The following MAFK variants were observed in gnomAD, a reference collection of about 807,000 sequenced individuals.
MAFK encodes the protein transcription factor MafK.
In MAFK, 1 loss-of-function variant was observed where a neutral mutation model predicts 9.2. The observed-to-expected ratio is 0.11, with a 90% CI of 0.04 to 0.52. The LOEUF is 0.52. Among genes scored for constraint, MAFK ranks in the 20% least tolerant of loss-of-function variants. The pLI is 0.94. For synonymous variants in MAFK, 110 were observed against 107.4 expected (o/e 1.02, Z -0.15); for missense variants, 207 against 236.0 (o/e 0.88, Z 0.81).
chr7:1,535,167 C>T (rs959282914), intron 1 of MAFK, among the ~76,000 whole-genome samples: 9 of 147,630 alleles, frequency 6.1e-5, no homozygotes, highest in Non-Finnish European at 1.2e-4. Context: ...AGCATTCGGC[C>T]TCCGGAGGCG....
At position 1,534,631 on chromosome 7, in the gene MAFK, A is replaced by G; in HGVS notation, c.-45+3733A>G. The G allele has an allele frequency of 2.2e-6, 1 of 456,000 alleles. No homozygotes were observed. Among genetic ancestry groups the G allele is most frequent in the Non-Finnish European group, 4.4e-6 (1 of 226,752 alleles). 28.2% of individuals were successfully genotyped at this position (456,000 alleles called of 1,614,324 possible). A position where few individuals can be genotyped will look rare whatever the true frequency, so the allele number is the denominator to read the frequency against. On this transcript the variant is annotated intron_variant, in intron 1 of 2. Transcript: ENST00000343242. This position sits in a 1 kb window ranked among gnomAD's most constrained non-coding sequence, Gnocchi z 4.3. ...GGAGACCCGCGGAGAATAGAAGTGGAAGGGCCACTCCGTCTTGGTCAGACT... is the reference window on the plus strand; with the variant it reads ...GGAGACCCGCGGAGAATAGAAGTGGGAGGGCCACTCCGTCTTGGTCAGACT...
Position 1,543,017 on chromosome 7 carries a change from T to G in MAFK, c.*2642T>G, listed in dbSNP as rs1784237634. 2 of 152,670 alleles carry G rather than the reference T, an allele frequency of 1.3e-5. No homozygotes were observed. Among genetic ancestry groups the G allele is most frequent in the Non-Finnish European group, 2.9e-5 (2 of 68,056 alleles). The allele number at this position is 152,670 out of a possible 1,614,324, so 9.5% of individuals were successfully genotyped here. A position where few individuals can be genotyped will look rare whatever the true frequency, so the allele number is the denominator to read the frequency against. On this transcript the variant is annotated 3_prime_UTR_variant, in exon 3 of 3. Coordinates refer to ENST00000343242, the MANE Select transcript of MAFK (RefSeq NM_002360.4). Reference sequence around the variant, plus strand: ...GCTGCTGTGACTGCTTTTGTACCTTTGCAATAAAGAATTTTCTGGTTTCAG... The same window carrying G: ...GCTGCTGTGACTGCTTTTGTACCTTGGCAATAAAGAATTTTCTGGTTTCAG...
In MAFK at chr7:1,539,142, T is replaced by G; in HGVS notation, c.-44-7T>G. ...TGCTGGCTTCTCTGCTTGTCCATGT[T>G]TTCCAGCTACGAGTTCCAGGGAGCT... is the stretch of plus-strand genomic sequence containing the variant. On this transcript the variant is annotated splice_region_variant and splice_polypyrimidine_tract_variant and intron_variant, in intron 1 of 2. Coordinates refer to ENST00000343242, the MANE Select transcript of MAFK (RefSeq NM_002360.4). 6.2e-7 allele frequency: 1 copy of G among 1,612,252 alleles called. No homozygotes were observed. The highest frequency in any genetic ancestry group is 8.5e-7 in the Non-Finnish European group (1 of 1,178,916).
At chr7:1,533,805 C>T (rs1180212973) in intron 1 of MAFK, among the ~76,000 whole-genome samples, 1 of 152,102 alleles carries the variant, frequency 6.6e-6, no homozygotes, top group African/African-American at 2.4e-5. Context: ...TGGGGGGCAT[C>T]TGGGCCCCCC....
At chr7:1,537,146 T>G (rs1352607678) in intron 1 of MAFK, among the ~76,000 whole-genome samples, 1 of 152,164 alleles carries the variant, frequency 6.6e-6, no homozygotes, top group African/African-American at 2.4e-5. Flanking sequence ...ATCTTTTTAG[T>G]GGAAAGATCC....
rs1255717614 is a variant in MAFK, at chr7:1,534,486, G to A, written c.-45+3588G>A. 4.5e-6 allele frequency: 2 copies of A among 440,208 alleles called. No individual in the cohort carries two copies. Among genetic ancestry groups the A allele is most frequent in the Admixed American group, 2.4e-5 (1 of 42,116 alleles). The allele number at this position is 440,208 out of a possible 1,614,324, so 27.3% of individuals were successfully genotyped here. On this transcript the variant is annotated intron_variant, in intron 1 of 2. Coordinates refer to ENST00000343242, the MANE Select transcript of MAFK (RefSeq NM_002360.4). The surrounding 1 kb of genome is among the most constrained non-coding windows in gnomAD (Gnocchi z 4.3). Reference sequence around the variant, plus strand: ...CCGTGGGAGTCACTGGTCGGGGGGCGGGAGGGCGCTTGCTGCTGTGCTGCT... The same window carrying A: ...CCGTGGGAGTCACTGGTCGGGGGGCAGGAGGGCGCTTGCTGCTGTGCTGCT...
At chr7:1,531,833 G>A (rs1008132327) in intron 1 of MAFK, among the ~76,000 whole-genome samples, 1 of 152,130 alleles carries the variant, frequency 6.6e-6, no homozygotes, top group South Asian at 2.1e-4. Flanking sequence ...GCATTCTCGC[G>A]CTCACACCGT....
At position 1,532,277 on chromosome 7, in the gene MAFK, G is replaced by A. The variant is rs6950966; in HGVS notation, c.-45+1379G>A. Among the ~76,000 whole-genome samples the A allele has an allele frequency of 0.018, 2,732 of 152,280 alleles. 78 individuals carry two copies. The highest frequency in any genetic ancestry group is 0.062 in the African/African-American group (2,567 of 41,534). ...AGGGACATGGAGCATTAAAAGAGCC[G>A]TGGGCGGGGTCTGGAGAACATAGGT... On this transcript the variant is annotated intron_variant, in intron 1 of 2. Coordinates refer to ENST00000343242, the MANE Select transcript of MAFK (RefSeq NM_002360.4). The surrounding 1 kb of genome is among the most constrained non-coding windows in gnomAD (Gnocchi z 4.5).
In MAFK at chr7:1,537,983, CCT is replaced by C. The variant is rs562869845; in HGVS notation, c.-44-1165_-44-1164del. On this transcript the variant is annotated intron_variant, in intron 1 of 2. Coordinates refer to ENST00000343242, the MANE Select transcript of MAFK (RefSeq NM_002360.4). The stretch of plus-strand genomic sequence containing the variant: ...GGTATGGGAGTGGGTGCTGTGAACC[CCT>C]GTCCCGCGAGCTGCCCGGCGCCTTC... The C allele has an allele frequency of 1.2e-3, 193 of 155,534 alleles. 2 individuals are homozygous for C. The highest frequency in any genetic ancestry group is 3.4e-3 in the African/African-American group (141 of 41,614). 9.6% of individuals were successfully genotyped at this position (155,534 alleles called of 1,614,324 possible). A position where few individuals can be genotyped will look rare whatever the true frequency, so the allele number is the denominator to read the frequency against.
At chr7:1,536,877 A>T (rs907745964) in intron 1 of MAFK, among the ~76,000 whole-genome samples, 2 of 152,152 alleles carry the variant, frequency 1.3e-5, no homozygotes, top group African/African-American at 4.8e-5. Flanking sequence ...GGCAGAGCAG[A>T]GTCGTGACCT....
At position 1,537,600 on chromosome 7, in the gene MAFK, G is replaced by A. The variant is rs980090562; in HGVS notation, c.-44-1549G>A. On this transcript the variant is annotated intron_variant, in intron 1 of 2. Coordinates refer to ENST00000343242, the MANE Select transcript of MAFK (RefSeq NM_002360.4). ...AGCCCACCTGGCCGTCCCCGGGACC[G>A]GCTGGTGCCATCCTGTGCCATCTAC... is the stretch of plus-strand genomic sequence containing the variant. 3.0e-5 allele frequency: 30 copies of A among 985,462 alleles called. No individual in the cohort carries two copies. In the East Asian group the frequency reaches 7.9e-4, roughly 26 times the overall value. 61.0% of individuals were successfully genotyped at this position (985,462 alleles called of 1,614,324 possible).
In MAFK at chr7:1,542,286, C is replaced by G. The variant is rs1784210995; in HGVS notation, c.*1911C>G. On this transcript the variant is annotated 3_prime_UTR_variant, in exon 3 of 3. Transcript: ENST00000343242. Reference sequence around the variant, plus strand: ...TTATCTACAGATTTTTCGTAACAATCTTTCTTTTCCAGTTTGATACTGTAA... The same window carrying G: ...TTATCTACAGATTTTTCGTAACAATGTTTCTTTTCCAGTTTGATACTGTAA... 6.6e-6 allele frequency: 1 copy of G among 152,646 alleles called. No homozygotes were observed. Among genetic ancestry groups the G allele is most frequent in the Non-Finnish European group, 1.5e-5 (1 of 68,046 alleles). 9.5% of individuals were successfully genotyped at this position (152,646 alleles called of 1,614,324 possible). A position where few individuals can be genotyped will look rare whatever the true frequency, so the allele number is the denominator to read the frequency against.
rs924978931 is a variant in MAFK, at chr7:1,534,404, G to C, written c.-45+3506G>C. The C allele has an allele frequency of 2.3e-6, 1 of 440,510 alleles. No individual in the cohort carries two copies. Among genetic ancestry groups the C allele is most frequent in the Non-Finnish European group, 4.7e-6 (1 of 214,122 alleles). The allele number at this position is 440,510 out of a possible 1,614,324, so 27.3% of individuals were successfully genotyped here. A position where few individuals can be genotyped will look rare whatever the true frequency, so the allele number is the denominator to read the frequency against. ...CCGGCTTGGGGTCTCTGGCAGAAAG[G>C]CTCCTGGGAGAGGCGGGTACACCTT... On this transcript the variant is annotated intron_variant, in intron 1 of 2. Coordinates refer to ENST00000343242, the MANE Select transcript of MAFK (RefSeq NM_002360.4). The surrounding 1 kb of genome is among the most constrained non-coding windows in gnomAD (Gnocchi z 4.3).
chr7:1,535,356 CTTAAAAAG>C (rs1784003013), intron 1 of MAFK, among the ~76,000 whole-genome samples: 1 of 152,224 alleles, frequency 6.6e-6, no homozygotes, highest in Non-Finnish European at 1.5e-5. Flanking sequence ...TTTGCTGGGA[CTTAAAAAG>C]TTAAAAATGG....
At chr7:1,533,016 G>A (rs761945711) in intron 1 of MAFK, among the ~76,000 whole-genome samples, 3 of 152,304 alleles carry the variant, frequency 2.0e-5, no homozygotes, top group Admixed American at 6.5e-5. Context: ...TCACAGACTC[G>A]TCATGTTTCC....
Position 1,534,788 on chromosome 7 carries a change from C to T in MAFK, c.-45+3890C>T, listed in dbSNP as rs535072337. 3.0e-5 allele frequency: 11 copies of T among 372,772 alleles called. No individual in the cohort carries two copies. The highest frequency in any genetic ancestry group is 2.1e-4 in the South Asian group (11 of 52,306). 23.1% of individuals were successfully genotyped at this position (372,772 alleles called of 1,614,324 possible). A position where few individuals can be genotyped will look rare whatever the true frequency, so the allele number is the denominator to read the frequency against. On this transcript the variant is annotated intron_variant, in intron 1 of 2. Coordinates refer to ENST00000343242, the MANE Select transcript of MAFK (RefSeq NM_002360.4). This position sits in a 1 kb window ranked among gnomAD's most constrained non-coding sequence, Gnocchi z 4.3. ...CGGCAGCCCCGATGCGTCCTCTCAT[C>T]TGGGAAGAATCAGAGCCCCAAAGCT...
Position 1,539,004 on chromosome 7 carries a change from G to A in MAFK, c.-44-145G>A, listed in dbSNP as rs570015551. On this transcript the variant is annotated intron_variant, in intron 1 of 2. Coordinates refer to ENST00000343242, the MANE Select transcript of MAFK (RefSeq NM_002360.4). ...TGGGAAGCCCCTCAGGACGGGCTGG[G>A]CCCGGATGGTGCCCCGTCTTGTTTT... 7 of 674,532 alleles carry A rather than the reference G, an allele frequency of 1.0e-5. No homozygotes were observed. In the East Asian group the frequency reaches 2.0e-4, roughly 19 times the overall value. The allele number at this position is 674,532 out of a possible 1,614,324, so 41.8% of individuals were successfully genotyped here.
At chr7:1,539,822 G>A in intron 2 of MAFK, 119 bp from the exon 3 acceptor site, 1 of 886,130 alleles carries the variant, frequency 1.1e-6, no homozygotes, top group Non-Finnish European at 1.7e-6. Flanking sequence ...GGATGGCGAA[G>A]GCCAGCCCTG....
intron 1 of MAFK, among the ~76,000 whole-genome samples, chr7:1,531,290 G>T (rs552005593): frequency 6.6e-6 from 1 of 150,940 alleles, no homozygotes; most frequent in East Asian, 2.0e-4. Context: ...CCACGTGCGG[G>T]CGGTGCGGGG....
Sources: allele counts gnomAD v4.1 joint callset (sites outside exome capture counted in the v4.1 genomes callset), GRCh38; gene constraint gnomAD v4.1.1; non-coding constraint Gnocchi (gnomAD v3.1); transcripts MANE v1.5; gene names NCBI Gene and HGNC (gene_info 2026-07-23, HGNC 2026-07-21).